COBL: variants seen among roughly 807,000 people sequenced by gnomAD.
The protein encoded by COBL is protein cordon-bleu.
COBL carries 51 observed loss-of-function variants against 98.8 expected under a neutral mutation model. The ratio of observed to expected loss-of-function variants is 0.52; its 90% confidence interval spans 0.41 to 0.65. The LOEUF is 0.65. Among genes scored for constraint, COBL ranks in the 30% least tolerant of loss-of-function variants. The probability of loss-of-function intolerance (pLI) is 0.00; values close to 1 mark genes in which losing one functional copy is unlikely to be tolerated. For missense variants in COBL, 1,617 were observed against 1,617.5 expected (o/e 1.00, Z 0.01); for synonymous variants, 634 against 651.7 (o/e 0.97, Z 0.41).
intron 5 of COBL, among the ~76,000 whole-genome samples, chr7:51,182,063 T>C (rs1451409779): frequency 6.6e-6 from 1 of 152,124 alleles, no homozygotes; most frequent in Non-Finnish European, 1.5e-5. Context: ...ATTTCATCTT[T>C]TACAAGGAAG....
Position 51,138,980 on chromosome 7 carries a change from G to GT in COBL, c.784-2650dup, listed in dbSNP as rs538593058. 5.9e-3 allele frequency among the ~76,000 whole-genome samples: 896 copies of GT among 152,262 alleles called. 12 individuals are homozygous for GT. The highest frequency in any genetic ancestry group is 0.02 in the African/African-American group (851 of 41,566). ...ACTGCTGTGAATCCACCTCTGTCCT[G>GT]TAAGTGCCCTGAGCACTTAAGGAAG... On this transcript the variant is annotated intron_variant, in intron 5 of 12. Coordinates refer to ENST00000265136, the MANE Select transcript of COBL (RefSeq NM_015198.5).
chr7:51,129,801 G>A (rs1487696052), intron 6 of COBL, among the ~76,000 whole-genome samples: 1 of 152,162 alleles, frequency 6.6e-6, no homozygotes, highest in Non-Finnish European at 1.5e-5. Context: ...CAGGAGAGAT[G>A]CAGCTGGCAC....
At chr7:51,042,534 AT>A (rs1014632293) in intron 8 of COBL, among the ~76,000 whole-genome samples, 1 of 151,468 alleles carries the variant, frequency 6.6e-6, no homozygotes, top group Non-Finnish European at 1.5e-5. Context: ...TAATTTTTAA[AT>A]TTTTTTTGTA....
intron 1 of COBL, among the ~76,000 whole-genome samples, chr7:51,293,802 C>G (rs1029909992): frequency 3.9e-5 from 6 of 152,154 alleles, no homozygotes; most frequent in Admixed American, 3.9e-4. Flanking sequence ...CAGGCTGTCC[C>G]ATGCTCAGTA....
At chr7:51,148,836 C>T (rs765187261) in intron 5 of COBL, among the ~76,000 whole-genome samples, 1 of 150,644 alleles carries the variant, frequency 6.6e-6, no homozygotes, top group African/African-American at 2.4e-5. Flanking sequence ...TCAGACACCC[C>T]CCGGAGGACC....
intron 6 of COBL, among the ~76,000 whole-genome samples, chr7:51,121,359 ATTGAG>A (rs1393786477): frequency 1.3e-5 from 2 of 152,106 alleles, no homozygotes; most frequent in Non-Finnish European, 2.9e-5. Context: ...TCATTTTTTA[ATTGAG>A]TTGTTTGTTT....
At position 51,027,994 on chromosome 7, in the gene COBL, C is replaced by T. The variant is rs764853569; in HGVS notation, c.3102G>A (p.Arg1034=). ...PHTSDTQACS[R]ELVNGSVRAP... The stretch of plus-strand genomic sequence containing the variant: ...CGCGCACAGAGCCATTGACCAGCTC[C>T]CTGCTGCAGGCCTGAGTGTCAGATG... Residue 1034 remains arginine (R), a synonymous_variant, in exon 10 of 13, where the codon AGG becomes AGA. Transcript: ENST00000265136. 2 of 1,603,554 alleles carry T rather than the reference C, an allele frequency of 1.2e-6. No homozygotes were observed. Among genetic ancestry groups the T allele is most frequent in the South Asian group, 1.1e-5 (1 of 89,014 alleles).
intron 6 of COBL, among the ~76,000 whole-genome samples, chr7:51,135,707 G>A (rs1300064254): frequency 6.6e-6 from 1 of 152,216 alleles, no homozygotes; most frequent in Non-Finnish European, 1.5e-5. Flanking sequence ...TAGGCCACAT[G>A]ACACATGCGG....
At chr7:51,060,340 T>C (rs1400536135) in intron 7 of COBL, among the ~76,000 whole-genome samples, 1 of 152,224 alleles carries the variant, frequency 6.6e-6, no homozygotes, top group African/African-American at 2.4e-5. Context: ...CAGTAGGCCT[T>C]ATCCATTGTC....
chr7:51,238,864 CGG>C (rs1241360358), intron 1 of COBL, among the ~76,000 whole-genome samples: 2 of 152,144 alleles, frequency 1.3e-5, no homozygotes, highest in East Asian at 3.9e-4. Flanking sequence ...TTCTTCTTCC[CGG>C]GAGTCCCCGG....
At chr7:51,064,270 T>C (rs977109090) in intron 7 of COBL, 3 of 151,692 alleles carry the variant, frequency 2.0e-5, no homozygotes, top group African/African-American at 7.3e-5. Flanking sequence ...TAGGATCCCA[T>C]ATATATCCCT....
At chr7:51,213,328 G>A (rs900254507) in intron 2 of COBL, among the ~76,000 whole-genome samples, 11 of 152,290 alleles carry the variant, frequency 7.2e-5, no homozygotes, top group African/African-American at 1.9e-4. Flanking sequence ...TCCATCTCCC[G>A]TCCAACCGCA....
chr7:51,022,453 A>C (rs1787031851), intron 12 of COBL: 1 of 152,232 alleles, frequency 6.6e-6, no homozygotes, highest in Non-Finnish European at 1.5e-5. Context: ...TGGGCCTCGC[A>C]CGGCACCAAC....
intron 6 of COBL, among the ~76,000 whole-genome samples, chr7:51,119,832 T>C (rs1042135743): frequency 1.3e-5 from 2 of 152,166 alleles, no homozygotes; most frequent in African/African-American, 4.8e-5. Flanking sequence ...CTTCAAAACC[T>C]TAGTTAAGTA....
At chr7:51,304,243 C>T (rs1398652977) in intron 1 of COBL, among the ~76,000 whole-genome samples, 1 of 152,186 alleles carries the variant, frequency 6.6e-6, no homozygotes, top group African/African-American at 2.4e-5. Flanking sequence ...ACAATGACCT[C>T]TATTTAGAAG....
rs768674509 is a variant in COBL at position 51,193,362 on chromosome 7, T to C, written c.456+17A>G. Reference sequence around the variant, plus strand: ...ACACATTCAGACACAGGTATTTCCATGTAGGTACCTACTAACCTCAGGCAC... The same window carrying C: ...ACACATTCAGACACAGGTATTTCCACGTAGGTACCTACTAACCTCAGGCAC... On this transcript the variant is annotated intron_variant, in intron 3 of 12. Transcript: ENST00000265136. The C allele has an allele frequency of 4.4e-6, 7 of 1,608,746 alleles. No individual in the cohort carries two copies. The East Asian group carries it at 6.7e-5, about 15-fold the overall frequency.
chr7:51,027,884 C>G lies in COBL; in HGVS notation c.3212G>C (p.Ser1071Thr). ...HILLEREEKP[S>T]VFSTDGNETD... ...TTCATTTCCATCTGTAGAGAACACA[C>G]TGGGCTTTTCCTCTCTTTCTAGGAG... The change falls in exon 10 of 13, where the codon AGT becomes ACT. Residue 1071 changes from serine (S) to threonine (T), a missense_variant. Ser to Thr is a moderately conservative substitution (Grantham distance 58). Coordinates refer to ENST00000265136, the MANE Select transcript of COBL (RefSeq NM_015198.5). The G allele has an allele frequency of 6.2e-7, 1 of 1,614,226 alleles. No homozygotes were observed. Among genetic ancestry groups the G allele is most frequent in the African/African-American group, 1.3e-5 (1 of 75,064 alleles).
intron 7 of COBL, among the ~76,000 whole-genome samples, chr7:51,058,130 T>C (rs1790951220): frequency 6.6e-6 from 1 of 152,120 alleles, no homozygotes; most frequent in Non-Finnish European, 1.5e-5. Flanking sequence ...TTTAGAAGCT[T>C]TTTGGATAAA....
At chr7:51,099,105 A>G (rs1021172373) in intron 6 of COBL, among the ~76,000 whole-genome samples, 20 of 152,164 alleles carry the variant, frequency 1.3e-4, no homozygotes, top group East Asian at 5.8e-4. Context: ...AAAAAAAAAA[A>G]AGAGAGAAAA....
Sources: allele counts gnomAD v4.1 joint callset (sites outside exome capture counted in the v4.1 genomes callset), GRCh38; gene constraint gnomAD v4.1.1; transcripts MANE v1.5; gene names NCBI Gene and HGNC (gene_info 2026-07-23, HGNC 2026-07-21).